The following XIRP2 variants were observed in gnomAD, a reference collection of about 807,000 sequenced individuals.
The protein encoded by XIRP2 is xin actin binding repeat containing 2.
In XIRP2, 236 loss-of-function variants were observed where a neutral mutation model predicts 277.0. That is an observed-to-expected ratio of 0.85 (90% confidence interval 0.77 to 0.95). XIRP2 has a LOEUF of 0.95. XIRP2 is among the 40% of genes least tolerant of loss of function. The pLI is 0.00. For synonymous variants in XIRP2, 1,490 were observed against 1,416.5 expected, an observed-to-expected ratio of 1.05 and a Z score of -1.17; for missense variants, 4,640 against 4,157.5, an observed-to-expected ratio of 1.12 and a Z score of -3.19.
At chr2:167,150,826 T>C (rs1192522811) in intron 3 of XIRP2, among the ~76,000 whole-genome samples, 1 of 152,122 alleles carries the variant, frequency 6.6e-6, no homozygotes, top group African/African-American at 2.4e-5. Context: ...GTTTAAATTT[T>C]GTATTGCAAT....
Position 167,250,182 on chromosome 2 carries a change from G to C in XIRP2, c.8790G>C (p.Val2930=). 1 of 1,613,500 alleles carries C rather than the reference G, an allele frequency of 6.2e-7. No homozygotes were observed. Among genetic ancestry groups the C allele is most frequent in the Non-Finnish European group, 8.5e-7 (1 of 1,179,662 alleles). ...AGAACAAATCTTTCTTTTCCTCTGT[G>C]AAAGAATCCCAGCGGGATGATGGAA... is the stretch of plus-strand genomic sequence containing the variant. The part of the protein sequence containing the change: ...ITQNKSFFSS[V]KESQRDDGKG... The change falls in exon 9 of 11, where the codon GTG becomes GTC. Residue 2930 remains valine (V), a synonymous_variant. Transcript: ENST00000409195.
intron 3 of XIRP2, among the ~76,000 whole-genome samples, chr2:167,191,866 A>C (rs1345252961): frequency 6.6e-6 from 1 of 152,186 alleles, no homozygotes; most frequent in African/African-American, 2.4e-5. Flanking sequence ...GGAATTGCCA[A>C]ATTGCTCCCG....
intron 2 of XIRP2, among the ~76,000 whole-genome samples, chr2:167,112,629 A>ATG (rs919436487): frequency 1.3e-5 from 2 of 148,918 alleles, no homozygotes; most frequent in African/African-American, 2.5e-5. Flanking sequence ...ATATATTTTT[A>ATG]TGTATATATA....
intron 2 of XIRP2, among the ~76,000 whole-genome samples, chr2:167,101,984 G>A (rs905764539): frequency 1.3e-5 from 2 of 152,196 alleles, no homozygotes; most frequent in African/African-American, 4.8e-5. Context: ...GTAGAGAAGT[G>A]ATAGAGGAGG....
At chr2:166,975,059 C>G (rs1018965165) in intron 2 of XIRP2, among the ~76,000 whole-genome samples, 1 of 151,890 alleles carries the variant, frequency 6.6e-6, no homozygotes, top group Non-Finnish European at 1.5e-5. Context: ...TCATCCTGAT[C>G]AAAAATTTTG....
intron 3 of XIRP2, among the ~76,000 whole-genome samples, chr2:167,144,078 A>T (rs1447978663): frequency 6.6e-6 from 1 of 152,042 alleles, no homozygotes; most frequent in Non-Finnish European, 1.5e-5. Flanking sequence ...TTTAAACCTA[A>T]CTTCTTATTT....
chr2:167,144,503 C>T (rs1017026084), intron 3 of XIRP2, among the ~76,000 whole-genome samples: 2 of 151,722 alleles, frequency 1.3e-5, no homozygotes, highest in Non-Finnish European at 1.5e-5. Context: ...AAAAAAAAAT[C>T]AGATTTTGCC....
At chr2:167,232,720 A>G (rs548595606) in intron 5 of XIRP2, among the ~76,000 whole-genome samples, 1 of 152,036 alleles carries the variant, frequency 6.6e-6, no homozygotes, top group East Asian at 1.9e-4. Flanking sequence ...CTTCTTCACA[A>G]CAACCTTCTG....
At chr2:167,132,860 C>G (rs1691426964) in intron 2 of XIRP2, among the ~76,000 whole-genome samples, 1 of 152,186 alleles carries the variant, frequency 6.6e-6, no homozygotes, top group South Asian at 2.1e-4. Context: ...CCCATTAAGA[C>G]ACTCAGCATT....
intron 3 of XIRP2, among the ~76,000 whole-genome samples, chr2:167,198,112 A>G (rs930675228): frequency 5.3e-5 from 8 of 152,322 alleles, no homozygotes; most frequent in East Asian, 3.9e-4. Context: ...GGATGACGAT[A>G]CTGACTAATT....
At position 167,258,774 on chromosome 2, in the gene XIRP2, C is replaced by T. The variant is rs1695744354; in HGVS notation, c.*957C>T. ...CCCTTGTCGAGTGAAGCAAATGACA[C>T]TGCAAATGAATATGAAATTGAGAAG... is the stretch of plus-strand genomic sequence containing the variant. On this transcript the variant is annotated 3_prime_UTR_variant, in exon 11 of 11. Transcript: ENST00000409195. 1 of 1,613,284 alleles carries T rather than the reference C, an allele frequency of 6.2e-7. No individual in the cohort carries two copies. Among genetic ancestry groups the T allele is most frequent in the Non-Finnish European group, 8.5e-7 (1 of 1,179,616 alleles).
intron 2 of XIRP2, among the ~76,000 whole-genome samples, chr2:167,004,301 C>A (rs1297560068): frequency 6.6e-6 from 1 of 151,676 alleles, no homozygotes; most frequent in Non-Finnish European, 1.5e-5. Flanking sequence ...AATCTGAGAC[C>A]AAAAGGAATT....
chr2:166,977,801 T>C (rs1258195068), intron 2 of XIRP2, among the ~76,000 whole-genome samples: 1 of 152,152 alleles, frequency 6.6e-6, no homozygotes, highest in Non-Finnish European at 1.5e-5. Flanking sequence ...GTACAGAAGA[T>C]AGCAATTTTC....
chr2:167,111,197 C>A (rs899969173), intron 2 of XIRP2, among the ~76,000 whole-genome samples: 7 of 152,000 alleles, frequency 4.6e-5, no homozygotes, highest in South Asian at 2.1e-4. Context: ...TATGGCCAGG[C>A]CTTCCAATAC....
intron 2 of XIRP2, among the ~76,000 whole-genome samples, chr2:166,910,457 T>A (rs1684668411): frequency 6.6e-6 from 1 of 151,914 alleles, no homozygotes; most frequent in Admixed American, 6.5e-5. Flanking sequence ...TCGGTGGTGA[T>A]ATTCCCTTTA....
chr2:167,135,740 G>A (rs955209777), intron 2 of XIRP2, among the ~76,000 whole-genome samples, 169 bp from the exon 3 acceptor site: 3 of 152,154 alleles, frequency 2.0e-5, no homozygotes, highest in African/African-American at 7.2e-5. Context: ...TCAGATATAT[G>A]TTTGCAGTTC....
At chr2:166,907,874 T>C (rs905493676) in intron 2 of XIRP2, among the ~76,000 whole-genome samples, 8 of 151,348 alleles carry the variant, frequency 5.3e-5, no homozygotes, top group Admixed American at 3.3e-4. Context: ...GTTTGGTTTT[T>C]TGTCTTTGCG....
rs780738911 is a variant in XIRP2, at chr2:167,244,720, G to C, written c.3328G>C (p.Val1110Leu). 6.2e-7 allele frequency: 1 copy of C among 1,613,082 alleles called. No homozygotes were observed. The highest frequency in any genetic ancestry group is 2.2e-5 in the East Asian group (1 of 44,832). The change falls in exon 9 of 11, where the codon GTT becomes CTT. Residue 1110 changes from valine (V) to leucine (L), a missense_variant. Physicochemically the swap from Val to Leu is conservative, Grantham distance 32. Coordinates refer to ENST00000409195, the MANE Select transcript of XIRP2 (RefSeq NM_152381.6). ...GCCAATGGAGTCTCTTTATGAAAAAGTTTCGTTAATGACCAGCAGTGAAGA... is the reference window on the plus strand; with the variant it reads ...GCCAATGGAGTCTCTTTATGAAAAACTTTCGTTAATGACCAGCAGTGAAGA... ...TQPMESLYEK[V>L]SLMTSSEEIH...
intron 2 of XIRP2, among the ~76,000 whole-genome samples, chr2:167,094,830 G>A (rs1690251276): frequency 6.6e-6 from 1 of 152,188 alleles, no homozygotes; most frequent in South Asian, 2.1e-4. Context: ...GAACTTTAAA[G>A]TAGTTTTTTC....
Sources: allele counts gnomAD v4.1 joint callset (sites outside exome capture counted in the v4.1 genomes callset), GRCh38; gene constraint gnomAD v4.1.1; transcripts MANE v1.5; gene names NCBI Gene and HGNC (gene_info 2026-07-23, HGNC 2026-07-21).